Variants in FAM200B observed in about 807,000 individuals in gnomAD.
FAM200B encodes the protein zinc finger BED-type containing 11.
FAM200B carries 32 observed loss-of-function variants against 33.1 expected under a neutral mutation model. The ratio of observed to expected loss-of-function variants is 0.97; its 90% confidence interval spans 0.73 to 1.30. The LOEUF is 1.30. Among genes scored for constraint, FAM200B ranks in the 50% most tolerant of loss-of-function variants. The pLI, the probability that FAM200B is intolerant of heterozygous loss-of-function variation, is 0.00. For synonymous variants in FAM200B, 240 were observed against 264.8 expected, an observed-to-expected ratio of 0.91 and a Z score of 0.91; for missense variants, 741 against 754.0, an observed-to-expected ratio of 0.98 and a Z score of 0.20.
At chr4:15,658,544 G>A in the FAM200B span, among the ~76,000 whole-genome samples, 4 of 152,172 alleles carry the variant, frequency 2.6e-5, no homozygotes, top group African/African-American at 4.8e-5. Flanking sequence ...ACAAGAGGAA[G>A]AAAGACCTGT....
upstream of FAM200B, among the ~76,000 whole-genome samples, chr4:15,680,128 AC>A (rs1718163627): frequency 6.6e-6 from 1 of 152,288 alleles, no homozygotes; most frequent in African/African-American, 2.4e-5. Flanking sequence ...AAAAAAAAAA[AC>A]ATGAACAATG....
chr4:15,688,185 A>G lies in FAM200B; in HGVS notation c.1208A>G (p.Asn403Ser). ...KILSRVYELR[N>S]EIHFFLIEKK... ...CTAAGCAGGGTTTATGAGCTCAGGA[A>G]TGAGATTCACTTTTTTCTCATTGAA... is the stretch of plus-strand genomic sequence containing the variant. The change falls in exon 2 of 2, where the codon AAT (asparagine) becomes AGT (serine). Residue 403 changes from asparagine to serine, a missense_variant. Asn to Ser is a conservative substitution (Grantham distance 46). Transcript: ENST00000422728. 1 of 1,551,264 alleles carries G rather than the reference A, an allele frequency of 6.4e-7. No homozygotes were observed.
At chr4:15,651,899 CAA>C in the FAM200B span, among the ~76,000 whole-genome samples, 3 of 152,150 alleles carry the variant, frequency 2.0e-5, no homozygotes, top group African/African-American at 7.2e-5. Context: ...GAAATCAATT[CAA>C]AGAGACCACT....
At position 15,687,930 on chromosome 4, in the gene FAM200B, A is replaced by T; in HGVS notation, c.953A>T (p.Asn318Ile). ...ATTAAAAAATTACTAGAAGTTACTAATAATGGTGCTGTGTGGAATCATTGT... is the reference window on the plus strand; with the variant it reads ...ATTAAAAAATTACTAGAAGTTACTATTAATGGTGCTGTGTGGAATCATTGT... The part of the protein sequence containing the change: ...RVIKKLLEVT[N>I]NGAVWNHCFI... The change falls in exon 2 of 2, where the codon AAT becomes ATT. Residue 318 changes from asparagine (N) to isoleucine (I), a missense_variant. Transcript: ENST00000422728. 1 of 1,550,766 alleles carries T rather than the reference A, an allele frequency of 6.4e-7. No homozygotes were observed. The highest frequency in any genetic ancestry group is 8.7e-7 in the Non-Finnish European group (1 of 1,146,298).
In FAM200B at chr4:15,688,328, A is replaced by C. The variant is rs1161409333; in HGVS notation, c.1351A>C (p.Ser451Arg). 1.9e-6 allele frequency: 3 copies of C among 1,550,318 alleles called. No individual in the cohort carries two copies. The highest frequency in any genetic ancestry group is 2.6e-6 in the Non-Finnish European group (3 of 1,145,946). ...GAGTTTAAAACTACAGGGGAAAAAC[A>C]GTGATGTATTCCAACATGTTGAACG... The part of the protein sequence containing the change: ...ELSLKLQGKN[S>R]DVFQHVERIQ... Residue 451 changes from serine (S) to arginine (R), a missense_variant, in exon 2 of 2, where the codon AGT becomes CGT. Ser to Arg is a moderately radical substitution (Grantham distance 110). Transcript: ENST00000422728.
At chr4:15,679,148 C>A (rs963605709), upstream of FAM200B, among the ~76,000 whole-genome samples, 3 of 151,044 alleles carry the variant, frequency 2.0e-5, no homozygotes, top group African/African-American at 7.3e-5. Context: ...CTGCAACCTC[C>A]GCCTCCTGGG....
chr4:15,639,157 T>A, the FAM200B span, among the ~76,000 whole-genome samples: 1 of 152,194 alleles, frequency 6.6e-6, no homozygotes, highest in Admixed American at 6.5e-5. Context: ...AGAGCGAAAC[T>A]CTGTCTCCAG....
the FAM200B span, chr4:15,638,717 G>A: frequency 4.7e-4 from 670 of 1,438,056 alleles, no homozygotes; most frequent in Non-Finnish European, 6.0e-4. Context: ...AAATATTCAC[G>A]AGGAAAGATG....
chr4:15,643,559 C>T, the FAM200B span, among the ~76,000 whole-genome samples: 2 of 118,672 alleles, frequency 1.7e-5, no homozygotes, highest in Non-Finnish European at 3.7e-5. Context: ...GCGCCTGCCA[C>T]TATGTCTGGC....
chr4:15,682,691 C>T (rs1397087094), intron 1 of FAM200B, among the ~76,000 whole-genome samples: 2 of 152,202 alleles, frequency 1.3e-5, no homozygotes, highest in African/African-American at 4.8e-5. Flanking sequence ...CAGTGCCTGA[C>T]ATACTTTAGG....
chr4:15,682,590 G>A (rs1292777969), intron 1 of FAM200B, among the ~76,000 whole-genome samples: 1 of 152,140 alleles, frequency 6.6e-6, no homozygotes, highest in Non-Finnish European at 1.5e-5. Context: ...TTTGAGATTT[G>A]TCAGTGTTGT....
chr4:15,678,706 ATTAC>A (rs1210911778), upstream of FAM200B, among the ~76,000 whole-genome samples: 1 of 152,206 alleles, frequency 6.6e-6, no homozygotes, highest in African/African-American at 2.4e-5. Context: ...GTAAGCTATT[ATTAC>A]TTAACAAATC....
At chr4:15,659,685 G>A in the FAM200B span, 1 of 975,206 alleles carries the variant, frequency 1.0e-6, no homozygotes, top group African/African-American at 1.7e-5. Flanking sequence ...TTCAGACAGA[G>A]AAGAGCCTTC....
chr4:15,659,746 A>G, the FAM200B span: 1 of 984,754 alleles, frequency 1.0e-6, no homozygotes, highest in Non-Finnish European at 1.2e-6. Context: ...TTTACCTCTT[A>G]GTAAATATTG....
At chr4:15,655,189 T>G in the FAM200B span, 1 of 1,386,054 alleles carries the variant, frequency 7.2e-7, no homozygotes, top group Non-Finnish European at 9.5e-7. Context: ...AGCGGGAGGC[T>G]CAGCGCTCCG....
the FAM200B span, among the ~76,000 whole-genome samples, chr4:15,649,952 A>C: frequency 6.6e-6 from 1 of 152,218 alleles, no homozygotes; most frequent in Non-Finnish European, 1.5e-5. Flanking sequence ...TTCTACATAC[A>C]CAATGTTAGT....
At position 15,688,098 on chromosome 4, in the gene FAM200B, G is replaced by C. The variant is rs745750886; in HGVS notation, c.1121G>C (p.Gly374Ala). 1.7e-5 allele frequency: 26 copies of C among 1,551,232 alleles called. No individual in the cohort carries two copies. Among genetic ancestry groups the C allele is most frequent in the Middle Eastern group, 3.3e-4 (2 of 5,984 alleles). ...RLLETFCSEIGTNHTHLLYHT... is the reference protein window; with the variant it reads ...RLLETFCSEIATNHTHLLYHT... ...CTTGAAACATTTTGTTCAGAGATTG[G>C]AACTAATCATACCCACTTACTATAT... Residue 374 changes from glycine to alanine, a missense_variant, in exon 2 of 2, where the codon GGA (glycine) becomes GCA (alanine). Physicochemically the swap from Gly to Ala is moderately conservative, Grantham distance 60. Coordinates refer to ENST00000422728, the MANE Select transcript of FAM200B (RefSeq NM_001145191.2).
At chr4:15,669,386 T>C in the FAM200B span, among the ~76,000 whole-genome samples, 1 of 152,194 alleles carries the variant, frequency 6.6e-6, no homozygotes, top group Non-Finnish European at 1.5e-5. Context: ...ACCACCATCA[T>C]ATATGTAGTG....
chr4:15,678,453 G>A (rs1718072559), upstream of FAM200B, among the ~76,000 whole-genome samples: 1 of 152,134 alleles, frequency 6.6e-6, no homozygotes, highest in African/African-American at 2.4e-5. Context: ...TTCCCCAAGT[G>A]AAGGCTTTAA....
Sources: allele counts gnomAD v4.1 joint callset (sites outside exome capture counted in the v4.1 genomes callset), GRCh38; gene constraint gnomAD v4.1.1; transcripts MANE v1.5; gene names NCBI Gene and HGNC (gene_info 2026-07-23, HGNC 2026-07-21).